The following VWA8 variants were observed in gnomAD, a reference collection of about 807,000 sequenced individuals.
VWA8 encodes the protein von Willebrand factor A domain-containing protein 8.
A neutral mutation model predicts 241.5 loss-of-function variants in VWA8; 221 were observed. The ratio of observed to expected loss-of-function variants is 0.91; its 90% CI spans 0.82 to 1.02. VWA8 has a LOEUF of 1.02. Among genes scored for constraint, VWA8 ranks in the 50% least tolerant of loss-of-function variants. The pLI, the probability that VWA8 is intolerant of heterozygous loss-of-function variation, is 0.00. For missense variants in VWA8, 2,322 were observed against 2,328.7 expected, an observed-to-expected ratio of 1.00 and a Z score of 0.06; for synonymous variants, 852 against 827.1, an observed-to-expected ratio of 1.03 and a Z score of -0.52.
intron 27 of VWA8, among the ~76,000 whole-genome samples, chr13:41,701,802 C>A (rs942761175): frequency 6.6e-6 from 1 of 152,146 alleles, no homozygotes; most frequent in Non-Finnish European, 1.5e-5. Context: ...TAGCATTTCT[C>A]ATTTCTTCAT....
intron 12 of VWA8, among the ~76,000 whole-genome samples, chr13:41,862,545 A>G (rs1484067214): frequency 6.6e-6 from 1 of 152,242 alleles, no homozygotes; most frequent in Non-Finnish European, 1.5e-5. Context: ...CAAACTATGC[A>G]TATGACAAGG....
At chr13:41,739,840 T>C (rs2045554009) in intron 21 of VWA8, among the ~76,000 whole-genome samples, 1 of 53,132 alleles carries the variant, frequency 1.9e-5, no homozygotes, top group Non-Finnish European at 4.0e-5. Flanking sequence ...TTTTTTTTTG[T>C]TTTTTTTGTT....
At chr13:41,849,088 G>A (rs1872411624) in intron 12 of VWA8, among the ~76,000 whole-genome samples, 1 of 152,138 alleles carries the variant, frequency 6.6e-6, no homozygotes, top group Non-Finnish European at 1.5e-5. Context: ...TATCTCTATG[G>A]TTCTGCCAAA....
At chr13:41,789,450 C>T (rs1276149964) in intron 17 of VWA8, among the ~76,000 whole-genome samples, 1 of 152,020 alleles carries the variant, frequency 6.6e-6, no homozygotes, top group East Asian at 1.9e-4. Context: ...TTACATTTAT[C>T]ATATTTATTC....
At chr13:41,865,500 T>G (rs1157379570) in intron 12 of VWA8, 1 of 421,110 alleles carries the variant, frequency 2.4e-6, no homozygotes, top group Non-Finnish European at 4.3e-6. Flanking sequence ...CTCTGGAAAA[T>G]AAATATCTTT....
At chr13:41,643,781 A>G (rs2044812515) in intron 37 of VWA8, among the ~76,000 whole-genome samples, 2 of 152,036 alleles carry the variant, frequency 1.3e-5, no homozygotes, top group African/African-American at 4.8e-5. Context: ...AAGGTAGCCA[A>G]AAGAAAGCAG....
At chr13:41,672,923 G>C (rs1158290116) in intron 36 of VWA8, among the ~76,000 whole-genome samples, 1 of 152,078 alleles carries the variant, frequency 6.6e-6, no homozygotes, top group African/African-American at 2.4e-5. Flanking sequence ...CACCCAAGCT[G>C]TATGATTCTA....
chr13:41,646,086 C>A (rs1031931673), intron 37 of VWA8, among the ~76,000 whole-genome samples: 1 of 151,980 alleles, frequency 6.6e-6, no homozygotes, highest in Admixed American at 6.5e-5. Flanking sequence ...TCTGCCTCGG[C>A]CTCCCGAGTA....
intron 12 of VWA8, among the ~76,000 whole-genome samples, chr13:41,852,384 G>C (rs1872561214): frequency 6.6e-6 from 1 of 152,094 alleles, no homozygotes; most frequent in African/African-American, 2.4e-5. Flanking sequence ...CCATTTTGTA[G>C]ACTGACTCTT....
intron 40 of VWA8, among the ~76,000 whole-genome samples, chr13:41,602,010 C>A (rs2044525041): frequency 6.6e-6 from 1 of 152,020 alleles, no homozygotes; most frequent in African/African-American, 2.4e-5. Context: ...TCAACTGGAG[C>A]CACACAGGAC....
At chr13:41,638,277 C>G (rs2044772110) in intron 37 of VWA8, among the ~76,000 whole-genome samples, 1 of 152,104 alleles carries the variant, frequency 6.6e-6, no homozygotes. Context: ...TTAAATAAAA[C>G]AGAAGAAATG....
intron 20 of VWA8, among the ~76,000 whole-genome samples, chr13:41,762,677 A>AT: frequency 6.6e-6 from 1 of 152,260 alleles, no homozygotes. Flanking sequence ...TTTTACTGGT[A>AT]TTTTTACTAC....
chr13:41,611,314 T>A (rs577752014), intron 39 of VWA8, among the ~76,000 whole-genome samples: 2 of 152,320 alleles, frequency 1.3e-5, no homozygotes, highest in Admixed American at 6.5e-5. Flanking sequence ...TTACCTGAAT[T>A]CCCTATGTTG....
intron 40 of VWA8, among the ~76,000 whole-genome samples, chr13:41,595,323 T>C (rs1455413431): frequency 2.0e-5 from 3 of 152,318 alleles, no homozygotes; most frequent in African/African-American, 7.2e-5. Context: ...TGGTAAAATT[T>C]GCAGTGAGAG....
rs1269512324 is a variant in VWA8, at chr13:41,568,485, G to A, written c.5610-180C>T. ...ATTAAACAATGAAAGGCTTGGAAGA[G>A]CAACAAGGAAAGACACAGCAAAAGC... On this transcript the variant is annotated intron_variant, in intron 44 of 44. Transcript: ENST00000379310. 1.1e-4 allele frequency: 53 copies of A among 486,320 alleles called. No individual in the cohort carries two copies. In the Admixed American group the frequency reaches 1.9e-3, roughly 17 times the overall value. The allele number at this position is 486,320 out of a possible 1,614,324, so 30.1% of individuals were successfully genotyped here.
At chr13:41,667,121 T>A (rs2044991934) in intron 37 of VWA8, among the ~76,000 whole-genome samples, 1 of 152,196 alleles carries the variant, frequency 6.6e-6, no homozygotes, top group African/African-American at 2.4e-5. Context: ...CATGTAAATT[T>A]ACTAATAGTC....
chr13:41,725,001 G>A (rs1313311052), intron 24 of VWA8, among the ~76,000 whole-genome samples: 1 of 152,054 alleles, frequency 6.6e-6, no homozygotes, highest in Non-Finnish European at 1.5e-5. Context: ...TCAGTTTTGG[G>A]CTTTTTCTAA....
At chr13:41,696,672 C>T (rs2137822489) in intron 29 of VWA8, among the ~76,000 whole-genome samples, 1 of 152,304 alleles carries the variant, frequency 6.6e-6, no homozygotes, top group South Asian at 2.1e-4. Context: ...GGAAGAATAA[C>T]ATGAGTAATG....
In VWA8 at chr13:41,618,652, T is replaced by C. The variant is rs559177433; in HGVS notation, c.4612-3568A>G. Among the ~76,000 whole-genome samples the C allele has an allele frequency of 3.0e-4, 46 of 152,362 alleles. No homozygotes were observed. In the South Asian group the frequency reaches 9.3e-3, roughly 31 times the overall value. On this transcript the variant is annotated intron_variant, in intron 37 of 44. Coordinates refer to ENST00000379310, the MANE Select transcript of VWA8 (RefSeq NM_015058.2). Reference sequence around the variant, plus strand: ...AATCCATCTTGAATTAATTTTTGTATAAGGTGTAAGAAAGGGATCCAGTTT... The same window carrying C: ...AATCCATCTTGAATTAATTTTTGTACAAGGTGTAAGAAAGGGATCCAGTTT...
Sources: allele counts gnomAD v4.1 joint callset (sites outside exome capture counted in the v4.1 genomes callset), GRCh38; gene constraint gnomAD v4.1.1; transcripts MANE v1.5; gene names NCBI Gene and HGNC (gene_info 2026-07-23, HGNC 2026-07-21).